USP48: variants seen among roughly 807,000 people sequenced by gnomAD.
The protein encoded by USP48 is ubiquitin specific peptidase 48.
Under a neutral mutation model 150.7 loss-of-function variants are expected in USP48, and 43 were observed. The ratio of observed to expected loss-of-function variants is 0.29; its 90% confidence interval spans 0.22 to 0.37. USP48 has a LOEUF of 0.37. Ranked by LOEUF, USP48 falls within the 10% of genes least tolerant of loss-of-function variation. The probability of loss-of-function intolerance (pLI) is 1.00; values close to 1 mark genes in which losing one functional copy is unlikely to be tolerated. For synonymous variants in USP48, 396 were observed against 425.9 expected (o/e 0.93, Z 0.86); for missense variants, 813 against 1,249.6 (o/e 0.65, Z 5.27).
intron 4 of USP48, among the ~76,000 whole-genome samples, 166 bp from the exon 5 acceptor site, chr1:21,752,817 C>T (rs937188355): frequency 6.6e-6 from 1 of 152,164 alleles, no homozygotes; most frequent in Non-Finnish European, 1.5e-5. Context: ...TATGAATTTC[C>T]ATAAATGGAA....
intron 23 of USP48, 32 bp downstream of exon 23, chr1:21,695,034 C>T (rs752392153): frequency 6.3e-7 from 1 of 1,591,126 alleles, no homozygotes; most frequent in Non-Finnish European, 8.6e-7. Context: ...CCTTTTAAGT[C>T]CAGAGCAAAC....
At chr1:21,746,938 A>G in intron 8 of USP48, 129 bp downstream of exon 8, 1 of 653,178 alleles carries the variant, frequency 1.5e-6, no homozygotes, top group Non-Finnish European at 2.5e-6. Flanking sequence ...TTGTTCCCAG[A>G]CAGAGGTTCC....
In USP48 at chr1:21,754,420, G is replaced by T. The variant is rs144883289; in HGVS notation, c.413-1301C>A. Among the ~76,000 whole-genome samples, 7 of 152,330 alleles carry T rather than the reference G, an allele frequency of 4.6e-5. No homozygotes were observed. In the East Asian group the frequency reaches 1.4e-3, roughly 29 times the overall value. Reference sequence around the variant, plus strand: ...GAGTTGAAAGTTTTAATGAGCTAGTGCAGGGAATGGAAGCAGAAAGCATGG... The same window carrying T: ...GAGTTGAAAGTTTTAATGAGCTAGTTCAGGGAATGGAAGCAGAAAGCATGG... On this transcript the variant is annotated intron_variant, in intron 3 of 26. Coordinates refer to ENST00000308271, the MANE Select transcript of USP48 (RefSeq NM_032236.8).
intron 6 of USP48, among the ~76,000 whole-genome samples, chr1:21,749,464 G>T (rs2097803481): frequency 1.3e-5 from 2 of 152,098 alleles, no homozygotes; most frequent in South Asian, 4.1e-4. Context: ...TCTCAACCCT[G>T]CTCCTCCCAG....
Position 21,678,300 on chromosome 1 carries a change from TCAAAGGAAAAA to T in USP48, c.*1106_*1116del, listed in dbSNP as rs2097556979. 1 of 150,936 alleles carries T rather than the reference TCAAAGGAAAAA, an allele frequency of 6.6e-6. No individual in the cohort carries two copies. The allele number at this position is 150,936 out of a possible 1,614,324, so 9.3% of individuals were successfully genotyped here. A position where few individuals can be genotyped will look rare whatever the true frequency, so the allele number is the denominator to read the frequency against. On this transcript the variant is annotated 3_prime_UTR_variant, in exon 27 of 27. Transcript: ENST00000308271. ...AACAGAGAAAACTTTTTTTTTTTTTTCAAAGGAAAAACTCCAGTCTTAAGTTCAATTAAAAA... is the reference window on the plus strand; with the variant it reads ...AACAGAGAAAACTTTTTTTTTTTTTTCTCCAGTCTTAAGTTCAATTAAAAA...
At position 21,756,572 on chromosome 1, in the gene USP48, A is replaced by C; in HGVS notation, c.386T>G (p.Leu129Arg). Residue 129 changes from leucine to arginine, a missense_variant, in exon 3 of 27, where the codon CTG becomes CGG. Coordinates refer to ENST00000308271, the MANE Select transcript of USP48 (RefSeq NM_032236.8). ...LCPSTCSDYM[L>R]GDGIQEEKDY... ...TTTTTCTTCTTGGATGCCGTCTCCC[A>C]GCATGTAGTCACTACAAGTGCTTGG... 1 of 1,588,416 alleles carries C rather than the reference A, an allele frequency of 6.3e-7. No homozygotes were observed. Among genetic ancestry groups the C allele is most frequent in the South Asian group, 1.2e-5 (1 of 86,658 alleles).
intron 9 of USP48, among the ~76,000 whole-genome samples, chr1:21,734,096 G>A (rs2097763256): frequency 6.6e-6 from 1 of 152,192 alleles, no homozygotes; most frequent in African/African-American, 2.4e-5. Flanking sequence ...ACACAGAAAT[G>A]TTATTTAAAA....
chr1:21,734,627 T>C (rs1423613803), intron 9 of USP48, among the ~76,000 whole-genome samples: 1 of 152,206 alleles, frequency 6.6e-6, no homozygotes, highest in African/African-American at 2.4e-5. Context: ...CCATTTCTTT[T>C]CTCCAATTCA....
intron 6 of USP48, among the ~76,000 whole-genome samples, chr1:21,750,231 C>CA: frequency 1.3e-5 from 2 of 152,278 alleles, no homozygotes; most frequent in South Asian, 4.2e-4. Context: ...AACCGCCCCC[C>CA]ACCCAGGCTG....
intron 1 of USP48, among the ~76,000 whole-genome samples, chr1:21,771,833 G>A (rs2097881658): frequency 2.0e-5 from 3 of 151,540 alleles, no homozygotes; most frequent in Non-Finnish European, 4.4e-5. Context: ...CAGGAGAATC[G>A]CTTGAACCCA....
intron 25 of USP48, chr1:21,686,360 C>T (rs973084888): frequency 2.0e-5 from 3 of 152,142 alleles, no homozygotes; most frequent in Non-Finnish European, 4.4e-5. Context: ...TATGTTCCTT[C>T]TGTACTTGGT....
At chr1:21,697,284 G>A (rs958975428) in intron 22 of USP48, among the ~76,000 whole-genome samples, 6 of 150,838 alleles carry the variant, frequency 4.0e-5, no homozygotes, top group East Asian at 2.0e-4. Flanking sequence ...TAAGATTCAC[G>A]AGAAAAAGTT....
rs751318606 is a variant in USP48 at position 21,715,394 on chromosome 1, G to A, written c.1958C>T (p.Pro653Leu). Reference sequence around the variant, plus strand: ...CATTTATGCTTCTAGCTTACCATGTGGACACAGAATATCTTCATTAAAATT... The same window carrying A: ...CATTTATGCTTCTAGCTTACCATGTAGACACAGAATATCTTCATTAAAATT... ...ELNFNEDILC[P>L]HGELCISENE... is the part of the protein sequence containing the mutation. The change falls in exon 15 of 27, where the codon CCA (proline) becomes CTA (leucine). Residue 653 changes from proline to leucine, a missense_variant. Physicochemically the swap from Pro to Leu is moderately conservative, Grantham distance 98. Transcript: ENST00000308271. 1.3e-6 allele frequency: 2 copies of A among 1,590,010 alleles called. No homozygotes were observed. Among genetic ancestry groups the A allele is most frequent in the Non-Finnish European group, 1.7e-6 (2 of 1,160,934 alleles).
chr1:21,724,091 G>C lies in USP48; in HGVS notation c.1455C>G (p.Pro485=). The change falls in exon 12 of 27, where the codon CCC becomes CCG. Residue 485 remains proline (P), a synonymous_variant. Transcript: ENST00000308271. ...LYQRLPAGAE[P]YEFVSLEWLQ... ...GCCATTCCAGAGAGACAAACTCATA[G>C]GGCTCTGAGAAAGCAAGCATCGGAA... is the stretch of plus-strand genomic sequence containing the variant. The C allele has an allele frequency of 6.2e-7, 1 of 1,614,066 alleles. No homozygotes were observed. Among genetic ancestry groups the C allele is most frequent in the South Asian group, 1.1e-5 (1 of 91,074 alleles).
intron 9 of USP48, among the ~76,000 whole-genome samples, chr1:21,736,010 G>A (rs1417954854): frequency 6.6e-6 from 1 of 152,178 alleles, no homozygotes; most frequent in East Asian, 1.9e-4. Flanking sequence ...AGGAGGCAGA[G>A]GTTGCAGTGA....
chr1:21,782,458 T>TA (rs1396736584), intron 1 of USP48, among the ~76,000 whole-genome samples: 1 of 152,192 alleles, frequency 6.6e-6, no homozygotes, highest in Non-Finnish European at 1.5e-5. Context: ...ACCAACAAGA[T>TA]ACACTGTGAT....
intron 12 of USP48, among the ~76,000 whole-genome samples, chr1:21,722,803 C>G (rs2097725238): frequency 6.6e-6 from 1 of 152,116 alleles, no homozygotes; most frequent in Admixed American, 6.5e-5. Flanking sequence ...CCACTGCACT[C>G]CAGCCTGGGC....
At chr1:21,764,117 G>A (rs2097856290) in intron 1 of USP48, among the ~76,000 whole-genome samples, 1 of 152,102 alleles carries the variant, frequency 6.6e-6, no homozygotes, top group African/African-American at 2.4e-5. Context: ...TATCAAAACA[G>A]ATCAAGGAGG....
chr1:21,764,839 C>T (rs2097858104), intron 1 of USP48, among the ~76,000 whole-genome samples: 1 of 152,086 alleles, frequency 6.6e-6, no homozygotes, highest in Non-Finnish European at 1.5e-5. Context: ...AACCTCTCAT[C>T]GTGGTTGGTT....
Sources: gnomAD v4.1 joint callset for allele counts (sites outside exome capture counted in the v4.1 genomes callset) on GRCh38, gnomAD v4.1.1 for gene constraint, MANE v1.5 for transcripts, NCBI Gene and HGNC (gene_info 2026-07-23, HGNC 2026-07-21) for gene names.